The following ZNF599 variants were observed in gnomAD, a reference collection of about 807,000 sequenced individuals.
The protein encoded by ZNF599 is zinc finger protein 599.
ZNF599 carries 10 observed loss-of-function variants against 11.7 expected under a neutral mutation model. That is an observed-to-expected ratio of 0.86 (90% CI 0.53 to 1.45). ZNF599 has a LOEUF of 1.45. ZNF599 is among the 40% of genes most tolerant of loss of function. ZNF599 has a pLI of 0.00. For missense variants in ZNF599, 688 were observed against 713.6 expected, an observed-to-expected ratio of 0.96 and a Z score of 0.41; for synonymous variants, 232 against 253.2, an observed-to-expected ratio of 0.92 and a Z score of 0.79.
chr19:34,795,047 G>C, the ZNF599 span, among the ~76,000 whole-genome samples: 2 of 152,206 alleles, frequency 1.3e-5, no homozygotes, highest in African/African-American at 4.8e-5. Flanking sequence ...AGATGGGATG[G>C]GTTGGAAGCC....
chr19:34,803,212 C>G, the ZNF599 span, among the ~76,000 whole-genome samples: 1 of 152,120 alleles, frequency 6.6e-6, no homozygotes, highest in Non-Finnish European at 1.5e-5. Context: ...TGCAATGGCT[C>G]AGCCCCACCA....
chr19:34,802,154 A>G, the ZNF599 span, among the ~76,000 whole-genome samples: 1 of 152,244 alleles, frequency 6.6e-6, no homozygotes, highest in Admixed American at 6.5e-5. Context: ...GGGCACTGAC[A>G]TCACAAATGT....
At chr19:34,769,656 C>G in intron 1 of ZNF599, 101 bp from the exon 2 acceptor site, 1 of 1,421,318 alleles carries the variant, frequency 7.0e-7, no homozygotes, top group Non-Finnish European at 9.6e-7. Flanking sequence ...CCCTGAACCA[C>G]TGAGCAACTC....
chr19:34,776,133 A>C (rs1475773859), upstream of ZNF599, among the ~76,000 whole-genome samples: 1 of 152,218 alleles, frequency 6.6e-6, no homozygotes, highest in Non-Finnish European at 1.5e-5. Flanking sequence ...TTCAATCAAC[A>C]AAATAGGTAA....
intron 3 of ZNF599, chr19:34,763,170 T>TC (rs2069122799): frequency 6.6e-6 from 1 of 152,184 alleles, no homozygotes; most frequent in Admixed American, 6.5e-5. Context: ...AGGAAGCAGG[T>TC]CATGTTCTTG....
chr19:34,771,973 G>A (rs2069186349), intron 1 of ZNF599, among the ~76,000 whole-genome samples: 1 of 152,156 alleles, frequency 6.6e-6, no homozygotes, highest in South Asian at 2.1e-4. Flanking sequence ...AGCTCTCTCT[G>A]AAGAGACCCT....
the ZNF599 span, among the ~76,000 whole-genome samples, chr19:34,806,046 C>T: frequency 6.6e-6 from 1 of 152,146 alleles, no homozygotes; most frequent in African/African-American, 2.4e-5. Flanking sequence ...GGCTGAGTCC[C>T]AAGGCACCAC....
rs1306123637 is a variant in ZNF599 at position 34,759,151 on chromosome 19, TA to T, written c.1649del (p.Leu550Ter). On this transcript the variant is annotated frameshift_variant, in exon 4 of 4. Coordinates refer to ENST00000329285, the MANE Select transcript of ZNF599 (RefSeq NM_001007248.3). LOFTEE classifies it low-confidence loss of function (END_TRUNC). Reference protein sequence around the residue: ...CEKAFCDNFALTQHMRTHTGE... With the variant: ...CEKAFCDNFAXTQHMRTHTGE... Reference sequence around the variant, plus strand: ...CAGTGTGAGTTCTCATGTGCTGAGTTAAAGCAAAGTTGTCACAGAAGGCTTT... The same window carrying T: ...CAGTGTGAGTTCTCATGTGCTGAGTTAAGCAAAGTTGTCACAGAAGGCTTT... The T allele has an allele frequency of 2.5e-6, 4 of 1,613,332 alleles. No individual in the cohort carries two copies. Among genetic ancestry groups the T allele is most frequent in the Non-Finnish European group, 3.4e-6 (4 of 1,179,814 alleles).
the ZNF599 span, among the ~76,000 whole-genome samples, chr19:34,797,355 T>C: frequency 3.9e-5 from 6 of 152,120 alleles, no homozygotes; most frequent in African/African-American, 7.2e-5. Context: ...GGTCAAATGG[T>C]ATTTCTATTT....
the ZNF599 span, among the ~76,000 whole-genome samples, chr19:34,781,959 T>C: frequency 1.3e-5 from 2 of 152,094 alleles, no homozygotes; most frequent in Non-Finnish European, 2.9e-5. Context: ...AAATGACAAG[T>C]GGATACAGTT....
At position 34,758,135 on chromosome 19, in the gene ZNF599, A is replaced by G. The variant is rs1471965044; in HGVS notation, c.*899T>C. The G allele has an allele frequency of 5.9e-5, 9 of 152,194 alleles. No homozygotes were observed. The highest frequency in any genetic ancestry group is 1.9e-4 in the African/African-American group (8 of 41,466). 9.4% of individuals were successfully genotyped at this position (152,194 alleles called of 1,614,324 possible). On this transcript the variant is annotated 3_prime_UTR_variant, in exon 4 of 4. Coordinates refer to ENST00000329285, the MANE Select transcript of ZNF599 (RefSeq NM_001007248.3). ...ATAATTATTCAAGAAACACTGATAA[A>G]GTGTCTTTAAACAAACAAACAAACA...
chr19:34,804,096 C>T, the ZNF599 span, among the ~76,000 whole-genome samples: 1 of 152,188 alleles, frequency 6.6e-6, no homozygotes, highest in Non-Finnish European at 1.5e-5. Context: ...CTGGCTGTTT[C>T]ATCAGTCAAT....
At chr19:34,773,281 T>A (rs2069198852), upstream of ZNF599, 1 of 176,646 alleles carries the variant, frequency 5.7e-6, no homozygotes, top group South Asian at 1.8e-4. Flanking sequence ...TGGGGTCGGC[T>A]TCCGTCCCTT....
In ZNF599 at chr19:34,773,143, CT is replaced by C. The variant is rs138078617; in HGVS notation, c.-303del. 6,331 of 392,008 alleles carry C rather than the reference CT, an allele frequency of 0.016. 97 individuals carry two copies. The highest frequency in any genetic ancestry group is 0.075 in the South Asian group (981 of 13,118). 24.3% of individuals were successfully genotyped at this position (392,008 alleles called of 1,614,324 possible). A position where few individuals can be genotyped will look rare whatever the true frequency, so the allele number is the denominator to read the frequency against. Reference sequence around the variant, plus strand: ...CTCGGTCTCGAAAAGTGGCCCCTGTCTGGCGTTCTACCCAGTGTAGCGTTGG... The same window carrying C: ...CTCGGTCTCGAAAAGTGGCCCCTGTCGGCGTTCTACCCAGTGTAGCGTTGG... On this transcript the variant is annotated 5_prime_UTR_variant, in exon 1 of 4. Coordinates refer to ENST00000329285, the MANE Select transcript of ZNF599 (RefSeq NM_001007248.3).
chr19:34,801,112 C>T, the ZNF599 span, among the ~76,000 whole-genome samples: 1 of 152,154 alleles, frequency 6.6e-6, no homozygotes, highest in African/African-American at 2.4e-5. Context: ...GGAAGTTGTC[C>T]AGAGTATCTC....
chr19:34,795,435 C>A, the ZNF599 span, among the ~76,000 whole-genome samples: 2 of 152,220 alleles, frequency 1.3e-5, no homozygotes, highest in South Asian at 4.1e-4. Flanking sequence ...CTACCCTGCC[C>A]AGCTATTTTT....
At chr19:34,792,536 A>T in the ZNF599 span, among the ~76,000 whole-genome samples, 4 of 152,138 alleles carry the variant, frequency 2.6e-5, no homozygotes, top group Non-Finnish European at 5.9e-5. Context: ...TAAACCAAGG[A>T]ACAACTGCAT....
In ZNF599 at chr19:34,759,566, C is replaced by G. The variant is rs200914218; in HGVS notation, c.1235G>C (p.Arg412Pro). ...KAFTHRSTFI[R>P]HKRTHTGEKP... ...CTCTCCGGTATGGGTCCTCTTATGTCGGATGAAAGTGGAGCGATGAGTAAA... is the reference window on the plus strand; with the variant it reads ...CTCTCCGGTATGGGTCCTCTTATGTGGGATGAAAGTGGAGCGATGAGTAAA... The change falls in exon 4 of 4, where the codon CGA (arginine) becomes CCA (proline). Residue 412 changes from arginine (R) to proline (P), a missense_variant. Arg to Pro is a moderately radical substitution (Grantham distance 103). Transcript: ENST00000329285. 1 of 1,613,164 alleles carries G rather than the reference C, an allele frequency of 6.2e-7. No homozygotes were observed. The highest frequency in any genetic ancestry group is 2.2e-5 in the East Asian group (1 of 44,742).
intron 1 of ZNF599, chr19:34,772,527 G>GA (rs2145466977): frequency 3.8e-6 from 5 of 1,327,640 alleles, no homozygotes; most frequent in Admixed American, 3.8e-5. Flanking sequence ...CCTCCACAGA[G>GA]AAAATTACTG....
Sources: gnomAD v4.1 joint callset for allele counts (sites outside exome capture counted in the v4.1 genomes callset) on GRCh38, gnomAD v4.1.1 for gene constraint, MANE v1.5 for transcripts, NCBI Gene and HGNC (gene_info 2026-07-23, HGNC 2026-07-21) for gene names.